Variants in CNKSR2 observed in about 807,000 individuals in gnomAD.
CNKSR2 encodes the protein CNK homolog protein 2.
Under a neutral mutation model 84.4 loss-of-function variants are expected in CNKSR2, and 14 were observed. That is an observed-to-expected ratio of 0.17 (90% CI 0.11 to 0.26). CNKSR2 has a LOEUF of 0.26. Ranked by LOEUF, CNKSR2 falls within the 10% of genes least tolerant of loss-of-function variation. CNKSR2 has a pLI of 1.00. For synonymous variants in CNKSR2, 275 were observed against 277.9 expected (o/e 0.99, Z 0.10); for missense variants, 485 against 771.2 (o/e 0.63, Z 4.40).
chrX:21,530,121 A>G (rs2147120408), intron 10 of CNKSR2, among the ~76,000 whole-genome samples: 1 of 111,474 alleles, frequency 9.0e-6, no homozygotes, highest in African/African-American at 3.2e-5. Flanking sequence ...GTTCAGGAAA[A>G]GTTTTCAGCA....
intron 5 of CNKSR2, among the ~76,000 whole-genome samples, chrX:21,479,653 C>T (rs1462611858): frequency 9.0e-6 from 1 of 110,708 alleles, no homozygotes; most frequent in Non-Finnish European, 1.9e-5. Context: ...AGGAATAGTA[C>T]CCAAGGAAGG....
chrX:21,478,167 T>A (rs2091279248), intron 5 of CNKSR2, among the ~76,000 whole-genome samples: 1 of 111,918 alleles, frequency 8.9e-6, no homozygotes, highest in African/African-American at 3.2e-5. Flanking sequence ...TCAGCCCCCT[T>A]TATTATCTTT....
intron 1 of CNKSR2, among the ~76,000 whole-genome samples, chrX:21,416,625 A>G (rs2090426169): frequency 1.8e-5 from 2 of 111,019 alleles, no homozygotes; most frequent in African/African-American, 6.5e-5. Flanking sequence ...TTATTGGCCT[A>G]TTCAAGTTTT....
intron 9 of CNKSR2, among the ~76,000 whole-genome samples, chrX:21,519,520 TA>T (rs2091761435): frequency 1.8e-5 from 2 of 111,242 alleles, no homozygotes; most frequent in South Asian, 7.5e-4. Context: ...GTGCCATTTT[TA>T]TTGTATTCTT....
At chrX:21,422,276 G>C (rs1011211490) in intron 1 of CNKSR2, 1 of 111,417 alleles carries the variant, frequency 9.0e-6, no homozygotes, top group African/African-American at 3.3e-5. Flanking sequence ...AGGTCCAGCA[G>C]GATCAGCAGC....
At chrX:21,633,344 AC>A (rs1324636436) in intron 20 of CNKSR2, among the ~76,000 whole-genome samples, 1 of 112,020 alleles carries the variant, frequency 8.9e-6, no homozygotes, top group African/African-American at 3.2e-5. Context: ...AAAAATTCTG[AC>A]TTCAATAAAA....
chrX:21,451,626 C>G (rs2090930555), intron 4 of CNKSR2, among the ~76,000 whole-genome samples: 1 of 96,158 alleles, frequency 1.0e-5, no homozygotes, highest in Non-Finnish European at 2.0e-5. Flanking sequence ...CATGTTCTCA[C>G]TCATAGGTGG....
chrX:21,458,813 G>A (rs2091024897), intron 4 of CNKSR2, among the ~76,000 whole-genome samples: 1 of 110,058 alleles, frequency 9.1e-6, no homozygotes, highest in Non-Finnish European at 1.9e-5. Context: ...ATGTGTCCAT[G>A]TGTTCTCATC....
intron 6 of CNKSR2, among the ~76,000 whole-genome samples, chrX:21,496,236 A>G (rs1158548485): frequency 8.9e-6 from 1 of 112,018 alleles, no homozygotes; most frequent in Admixed American, 9.5e-5. Flanking sequence ...ATCTGATATA[A>G]TATTGTTAAT....
intron 8 of CNKSR2, 145 bp from the exon 9 acceptor site, chrX:21,516,340 T>C (rs2091727973): frequency 3.6e-6 from 2 of 550,066 alleles, no homozygotes; most frequent in South Asian, 6.8e-5. Context: ...AGATAAAATT[T>C]ATTGAGTATG....
At chrX:21,458,276 C>T (rs1049583690) in intron 4 of CNKSR2, among the ~76,000 whole-genome samples, 1 of 112,355 alleles carries the variant, frequency 8.9e-6, no homozygotes, top group African/African-American at 3.2e-5. Flanking sequence ...GCTCAATAAC[C>T]ACGTGTTTCT....
chrX:21,414,487 G>A (rs146993008), intron 1 of CNKSR2, among the ~76,000 whole-genome samples: 2,880 of 109,724 alleles, frequency 0.026, 36 homozygotes, highest in Non-Finnish European at 0.039. Flanking sequence ...TTGTCAGGTG[G>A]GTAGCTTGCA....
intron 13 of CNKSR2, among the ~76,000 whole-genome samples, chrX:21,577,391 AAGTCTTATTTTTAATTCC>A (rs2092325862): frequency 9.0e-6 from 1 of 111,731 alleles, no homozygotes; most frequent in South Asian, 3.7e-4. Flanking sequence ...TATTAAATTT[AAGTCTTATTTTTAATTCC>A]TTTTTGCCTT....
chrX:21,377,562 A>G (rs2089836940), intron 1 of CNKSR2, among the ~76,000 whole-genome samples: 2 of 111,960 alleles, frequency 1.8e-5, no homozygotes, highest in South Asian at 7.4e-4. Context: ...GGATGCTCCT[A>G]ATGAGACAGT....
At chrX:21,633,240 G>A (rs1413553437) in intron 20 of CNKSR2, among the ~76,000 whole-genome samples, 1 of 111,442 alleles carries the variant, frequency 9.0e-6, no homozygotes, top group Admixed American at 9.6e-5. Context: ...AGTGACTTAG[G>A]ATGGCATCTC....
At chrX:21,603,473 G>A (rs140563236) in intron 18 of CNKSR2, among the ~76,000 whole-genome samples, 91 of 112,461 alleles carry the variant, frequency 8.1e-4, no homozygotes, top group African/African-American at 2.7e-3. Context: ...GACTGGGAAT[G>A]TTTCTCCACA....
intron 3 of CNKSR2, among the ~76,000 whole-genome samples, chrX:21,433,257 C>T (rs1417960588): frequency 5.4e-5 from 6 of 111,280 alleles, no homozygotes; most frequent in African/African-American, 2.0e-4. Context: ...TCCTTGGCCT[C>T]GCTTCATTCA....
At chrX:21,557,817 A>G (rs773851053) in intron 11 of CNKSR2, among the ~76,000 whole-genome samples, 1 of 111,517 alleles carries the variant, frequency 9.0e-6, no homozygotes, top group East Asian at 2.8e-4. Context: ...CTATGTAAAG[A>G]TATGTCTTAA....
intron 11 of CNKSR2, among the ~76,000 whole-genome samples, chrX:21,545,860 CAGAA>C (rs1377498927): frequency 8.9e-6 from 1 of 112,122 alleles, no homozygotes; most frequent in Non-Finnish European, 1.9e-5. Flanking sequence ...AACTAACAAA[CAGAA>C]AGGAATAGCA....
Sources: gnomAD v4.1 joint callset for allele counts (sites outside exome capture counted in the v4.1 genomes callset) on GRCh38, gnomAD v4.1.1 for gene constraint, MANE v1.5 for transcripts, NCBI Gene and HGNC (gene_info 2026-07-23, HGNC 2026-07-21) for gene names.